Variants in ASPRV1 observed in about 807,000 individuals in gnomAD.
The protein encoded by ASPRV1 is retroviral-like aspartic protease 1.
Under a neutral mutation model 11.0 loss-of-function variants are expected in ASPRV1, and 7 were observed. The ratio of observed to expected loss-of-function variants is 0.64; its 90% CI spans 0.36 to 1.20. The LOEUF (loss-of-function observed/expected upper bound fraction) is 1.20, where lower values mean the gene tolerates loss of function less well. Among genes scored for constraint, ASPRV1 ranks in the 50% most tolerant of loss-of-function variants. The pLI is 0.02. For synonymous variants in ASPRV1, 136 were observed against 138.4 expected (o/e 0.98, Z 0.12); for missense variants, 299 against 320.0 (o/e 0.93, Z 0.50).
the ASPRV1 span, chr2:69,941,340 T>C: frequency 6.6e-6 from 1 of 152,164 alleles, no homozygotes; most frequent in Non-Finnish European, 1.5e-5. Flanking sequence ...TCGTCTGTAT[T>C]TTGGTTTTCT....
chr2:70,020,182 C>A, the ASPRV1 span, among the ~76,000 whole-genome samples: 2 of 152,128 alleles, frequency 1.3e-5, no homozygotes, highest in Admixed American at 6.6e-5. Context: ...AACAACATGG[C>A]AGTTCCTCAA....
chr2:69,938,730 A>G, the ASPRV1 span: 1 of 155,860 alleles, frequency 6.4e-6, no homozygotes, highest in Non-Finnish European at 1.4e-5. Flanking sequence ...TGATCTCAGA[A>G]CTCCAAAGTA....
At chr2:69,965,381 C>T (rs1678302525), upstream of ASPRV1, among the ~76,000 whole-genome samples, 2 of 151,924 alleles carry the variant, frequency 1.3e-5, no homozygotes, top group African/African-American at 4.8e-5. Context: ...CTTCCCTGGG[C>T]GACACCAGAA....
the ASPRV1 span, among the ~76,000 whole-genome samples, chr2:70,024,751 G>A: frequency 4.6e-5 from 7 of 151,826 alleles, no homozygotes; most frequent in East Asian, 1.9e-4. Flanking sequence ...CCCACATTTC[G>A]CCCCCTCCCT....
the ASPRV1 span, among the ~76,000 whole-genome samples, chr2:70,068,085 C>T: frequency 6.6e-6 from 1 of 152,218 alleles, no homozygotes; most frequent in Non-Finnish European, 1.5e-5. Context: ...TGGCTCCAGG[C>T]AAGCCCTGGT....
At chr2:70,047,226 G>A in the ASPRV1 span, among the ~76,000 whole-genome samples, 3 of 152,104 alleles carry the variant, frequency 2.0e-5, no homozygotes, top group Non-Finnish European at 4.4e-5. Context: ...ACAAGAACAG[G>A]ATCTAAAGCC....
At chr2:70,016,671 C>T in the ASPRV1 span, among the ~76,000 whole-genome samples, 1 of 152,000 alleles carries the variant, frequency 6.6e-6, no homozygotes, top group African/African-American at 2.4e-5. Context: ...TGGTGAAGAC[C>T]CATCTCTACT....
chr2:70,074,109 G>A, the ASPRV1 span, among the ~76,000 whole-genome samples: 8 of 131,890 alleles, frequency 6.1e-5, no homozygotes, highest in Admixed American at 3.1e-4. Flanking sequence ...ACTCCAGCCC[G>A]GGCGACAGAG....
the ASPRV1 span, among the ~76,000 whole-genome samples, chr2:70,061,278 C>A: frequency 0.018 from 2,698 of 152,002 alleles, 96 homozygotes; most frequent in African/African-American, 0.062. Flanking sequence ...GCCTGTAGTC[C>A]CAGCTACTTG....
chr2:69,958,477 G>A (rs964002064), downstream of ASPRV1, among the ~76,000 whole-genome samples: 1 of 152,158 alleles, frequency 6.6e-6, no homozygotes, highest in Non-Finnish European at 1.5e-5. Context: ...GCTCCACTCC[G>A]TGTGGTGTGT....
At chr2:70,085,251 A>G in the ASPRV1 span, among the ~76,000 whole-genome samples, 1 of 152,174 alleles carries the variant, frequency 6.6e-6, no homozygotes, top group Non-Finnish European at 1.5e-5. Context: ...GGTAGGCTCA[A>G]ATGTGCCACA....
chr2:69,988,385 A>ATC, the ASPRV1 span: 1 of 164,022 alleles, frequency 6.1e-6, no homozygotes, highest in African/African-American at 2.4e-5. Flanking sequence ...GAATCTTGAA[A>ATC]ACATTATGCT....
At chr2:69,998,645 C>G in the ASPRV1 span, among the ~76,000 whole-genome samples, 1 of 151,300 alleles carries the variant, frequency 6.6e-6, no homozygotes, top group African/African-American at 2.4e-5. Flanking sequence ...AGGAGAATGG[C>G]GTGAACCCGG....
chr2:70,082,983 C>T, the ASPRV1 span, among the ~76,000 whole-genome samples: 2 of 152,162 alleles, frequency 1.3e-5, no homozygotes, highest in Non-Finnish European at 2.9e-5. Flanking sequence ...AATGTGGTCC[C>T]TGCCCCCAGA....
the ASPRV1 span, chr2:70,055,696 TAC>T: frequency 6.6e-6 from 1 of 152,126 alleles, no homozygotes; most frequent in African/African-American, 2.4e-5. Flanking sequence ...ATGGCACACG[TAC>T]AGCTATGTAA....
the ASPRV1 span, chr2:70,050,938 G>A: frequency 1.3e-5 from 2 of 151,410 alleles, no homozygotes; most frequent in East Asian, 3.9e-4. Flanking sequence ...CCAAGACCCT[G>A]TCTCTAAAAG....
chr2:70,061,252 G>T, the ASPRV1 span, among the ~76,000 whole-genome samples: 20 of 152,092 alleles, frequency 1.3e-4, no homozygotes, highest in African/African-American at 4.1e-4. Context: ...AAAATTAGCC[G>T]GGCATGGTGG....
At chr2:69,959,819 T>C (rs142465636), downstream of ASPRV1, among the ~76,000 whole-genome samples, 3 of 152,328 alleles carry the variant, frequency 2.0e-5, no homozygotes, top group Non-Finnish European at 4.4e-5. Context: ...TTAGGGTCAC[T>C]TTTGGGTATA....
At chr2:69,954,559 A>G in the ASPRV1 span, among the ~76,000 whole-genome samples, 4 of 152,282 alleles carry the variant, frequency 2.6e-5, no homozygotes, top group Non-Finnish European at 4.4e-5. Flanking sequence ...GAGTTTCCTC[A>G]AAGTCCATAT....
Sources: gnomAD v4.1 joint callset for allele counts (sites outside exome capture counted in the v4.1 genomes callset) on GRCh38, gnomAD v4.1.1 for gene constraint, MANE v1.5 for transcripts, NCBI Gene and HGNC (gene_info 2026-07-23, HGNC 2026-07-21) for gene names.